Variants in KIFAP3 observed in about 807,000 individuals in gnomAD.
The protein encoded by KIFAP3 is kinesin-associated protein 3.
Under a neutral mutation model 106.5 loss-of-function variants are expected in KIFAP3, and 68 were observed. The ratio of observed to expected loss-of-function variants is 0.64; its 90% confidence interval spans 0.53 to 0.78. The LOEUF (loss-of-function observed/expected upper bound fraction) is 0.78, where lower values mean the gene tolerates loss of function less well. Among genes scored for constraint, KIFAP3 ranks in the 30% least tolerant of loss-of-function variants. The pLI is 0.00. For synonymous variants in KIFAP3, 320 were observed against 311.5 expected (o/e 1.03, Z -0.29); for missense variants, 780 against 941.8 (o/e 0.83, Z 2.25).
chr1:169,970,301 G>A (rs538126659), intron 17 of KIFAP3, among the ~76,000 whole-genome samples: 1 of 152,040 alleles, frequency 6.6e-6, no homozygotes, highest in Non-Finnish European at 1.5e-5. Context: ...CACAGAGACT[G>A]TATCATGTAA....
chr1:170,055,439 A>G lies in KIFAP3; in HGVS notation c.33-3T>C. ...CTATATTCCCTCCTTTAACTTTCCTATAATACAAAATTGAAATGATATAAC... is the reference window on the plus strand; with the variant it reads ...CTATATTCCCTCCTTTAACTTTCCTGTAATACAAAATTGAAATGATATAAC... On this transcript the variant is annotated splice_polypyrimidine_tract_variant and splice_region_variant and intron_variant, in intron 1 of 19. Transcript: ENST00000361580. The G allele has an allele frequency of 1.3e-6, 2 of 1,573,760 alleles. No homozygotes were observed. The highest frequency in any genetic ancestry group is 1.2e-5 in the South Asian group (1 of 85,036).
intron 17 of KIFAP3, among the ~76,000 whole-genome samples, chr1:169,965,174 G>A (rs1665541476): frequency 6.6e-6 from 1 of 151,984 alleles, no homozygotes; most frequent in Admixed American, 6.6e-5. Flanking sequence ...ATTAAATACA[G>A]AACTAATTTG....
chr1:169,947,938 A>T (rs1228302084), intron 19 of KIFAP3, among the ~76,000 whole-genome samples: 1 of 151,316 alleles, frequency 6.6e-6, no homozygotes. Flanking sequence ...GTTTACTTAG[A>T]GAACCAGTGT....
At chr1:170,019,848 G>C (rs1400309215) in intron 9 of KIFAP3, among the ~76,000 whole-genome samples, 1 of 152,080 alleles carries the variant, frequency 6.6e-6, no homozygotes, top group Non-Finnish European at 1.5e-5. Flanking sequence ...AATAAGGCAA[G>C]AAAAAGAAAT....
intron 1 of KIFAP3, among the ~76,000 whole-genome samples, chr1:170,080,562 A>G (rs1041448451): frequency 2.6e-5 from 4 of 152,160 alleles, no homozygotes; most frequent in Admixed American, 6.5e-5. Flanking sequence ...TACATAGATT[A>G]ATGGAAGAGA....
intron 17 of KIFAP3, among the ~76,000 whole-genome samples, chr1:169,968,831 T>TA (rs35315207): frequency 4.8e-5 from 7 of 146,992 alleles, no homozygotes; most frequent in South Asian, 2.2e-4. Context: ...TGTTGCCAAT[T>TA]AAAAAAAAAA....
intron 1 of KIFAP3, among the ~76,000 whole-genome samples, chr1:170,061,963 T>C (rs1390888088): frequency 4.6e-5 from 7 of 151,752 alleles, no homozygotes; most frequent in Non-Finnish European, 1.5e-5. Context: ...AATTGAACAA[T>C]GAGAACACTT....
chr1:169,951,468 T>C (rs1408943352), intron 19 of KIFAP3, among the ~76,000 whole-genome samples: 2 of 151,882 alleles, frequency 1.3e-5, no homozygotes, highest in African/African-American at 4.8e-5. Context: ...CTTACATATT[T>C]TTACTTTTGA....
chr1:169,967,425 T>C (rs1433051157), intron 17 of KIFAP3, among the ~76,000 whole-genome samples: 4 of 151,794 alleles, frequency 2.6e-5, no homozygotes, highest in African/African-American at 7.2e-5. Context: ...TCAATGAATA[T>C]AGTTTAGTAG....
chr1:170,076,027 A>G (rs751233870), upstream of KIFAP3, among the ~76,000 whole-genome samples: 1 of 152,210 alleles, frequency 6.6e-6, no homozygotes, highest in African/African-American at 2.4e-5. Flanking sequence ...AATCTTCACA[A>G]TACGTAAAAT....
Position 170,014,160 on chromosome 1 carries a change from T to C in KIFAP3, c.1183+2302A>G, listed in dbSNP as rs555020245. On this transcript the variant is annotated intron_variant, in intron 10 of 19. Transcript: ENST00000361580. Reference sequence around the variant, plus strand: ...TCTCATCTTCAGACTCTAATGTGAGTCCATCAAATAGAATACATCAGATTA... The same window carrying C: ...TCTCATCTTCAGACTCTAATGTGAGCCCATCAAATAGAATACATCAGATTA... Among the ~76,000 whole-genome samples the C allele has an allele frequency of 2.6e-5, 4 of 152,278 alleles. No homozygotes were observed. In the South Asian group the frequency reaches 8.3e-4, roughly 32 times the overall value.
chr1:170,036,753 C>T (rs1488467814), intron 5 of KIFAP3, among the ~76,000 whole-genome samples: 1 of 151,896 alleles, frequency 6.6e-6, no homozygotes, highest in African/African-American at 2.4e-5. Context: ...GTTTAGTGGC[C>T]TATTTGCAAA....
At chr1:169,923,009 G>T in intron 19 of KIFAP3, 1 of 710,040 alleles carries the variant, frequency 1.4e-6, no homozygotes, top group Non-Finnish European at 1.7e-6. Context: ...GTGCTTGTGT[G>T]TATTAAGATG....
intron 8 of KIFAP3, among the ~76,000 whole-genome samples, chr1:170,025,639 T>C (rs997860036): frequency 9.2e-5 from 14 of 152,286 alleles, no homozygotes; most frequent in Non-Finnish European, 1.9e-4. Flanking sequence ...AGAAGTATTA[T>C]AAAAATTTTA....
chr1:169,945,898 A>G (rs1431587776), intron 19 of KIFAP3, among the ~76,000 whole-genome samples: 2 of 152,210 alleles, frequency 1.3e-5, no homozygotes, highest in African/African-American at 2.4e-5. Context: ...TAAAGGTTAT[A>G]GGCCCAATTT....
intron 3 of KIFAP3, 36 bp from the exon 4 acceptor site, chr1:170,039,324 G>GT: frequency 8.4e-7 from 1 of 1,195,354 alleles, no homozygotes; most frequent in Non-Finnish European, 1.2e-6. Context: ...GGAGACTTAG[G>GT]TTTTTAGGGT....
chr1:169,948,754 AT>A (rs1364874531), intron 19 of KIFAP3, among the ~76,000 whole-genome samples: 4 of 152,002 alleles, frequency 2.6e-5, no homozygotes, highest in Non-Finnish European at 5.9e-5. Flanking sequence ...ATATAAAAGA[AT>A]TTTTTGCTTG....
chr1:169,933,317 T>C (rs985833531), intron 19 of KIFAP3, among the ~76,000 whole-genome samples: 1 of 152,038 alleles, frequency 6.6e-6, no homozygotes, highest in Non-Finnish European at 1.5e-5. Context: ...ACATTTAGGA[T>C]CTCAGAATAC....
Position 169,978,073 on chromosome 1 carries a change from C to T in KIFAP3, c.1897+12G>A. The T allele has an allele frequency of 6.5e-7, 1 of 1,538,530 alleles. No individual in the cohort carries two copies. The highest frequency in any genetic ancestry group is 9.0e-7 in the Non-Finnish European group (1 of 1,113,588). ...GAAATATTGTTATCTACGGTAAACACTGAAAGGATACGTGTTTCCTTGATT... is the reference window on the plus strand; with the variant it reads ...GAAATATTGTTATCTACGGTAAACATTGAAAGGATACGTGTTTCCTTGATT... On this transcript the variant is annotated intron_variant, in intron 16 of 19. Transcript: ENST00000361580.
Sources: gnomAD v4.1 joint callset for allele counts (sites outside exome capture counted in the v4.1 genomes callset) on GRCh38, gnomAD v4.1.1 for gene constraint, MANE v1.5 for transcripts, NCBI Gene and HGNC (gene_info 2026-07-23, HGNC 2026-07-21) for gene names.